Variants in RAB6A observed in about 807,000 individuals in gnomAD.
RAB6A encodes ras-related protein Rab-6A.
A neutral mutation model predicts 32.3 loss-of-function variants in RAB6A; 8 were observed. The observed-to-expected ratio is 0.25, with a 90% CI of 0.15 to 0.45. The LOEUF is 0.45. Among genes scored for constraint, RAB6A ranks in the 20% least tolerant of loss-of-function variants. The probability of loss-of-function intolerance (pLI) is 1.00; values close to 1 mark genes in which losing one functional copy is unlikely to be tolerated. For missense variants in RAB6A, 104 were observed against 249.4 expected (o/e 0.42, Z 3.93); for synonymous variants, 73 against 82.1 (o/e 0.89, Z 0.60).
chr11:73,707,584 C>A, intron 5 of RAB6A, 71 bp from the exon 6 acceptor site: 1 of 1,156,712 alleles, frequency 8.6e-7, no homozygotes, highest in South Asian at 1.3e-5. Context: ...AAAGAAAGCT[C>A]TGAAAATAAC....
chr11:73,690,807 A>G (rs1945543922), intron 6 of RAB6A, among the ~76,000 whole-genome samples: 1 of 151,204 alleles, frequency 6.6e-6, no homozygotes, highest in Admixed American at 6.6e-5. Flanking sequence ...GGGACAGGGA[A>G]GCTAAGTGTC....
At chr11:73,678,736 T>TGGG (rs201191998) in intron 7 of RAB6A, among the ~76,000 whole-genome samples, 14 of 135,306 alleles carry the variant, frequency 1.0e-4, no homozygotes, top group Middle Eastern at 3.6e-3. Context: ...TTTTTTTTTT[T>TGGG]GGGGGGGGAA....
At chr11:73,703,738 A>T (rs1300946817) in intron 6 of RAB6A, among the ~76,000 whole-genome samples, 1 of 143,448 alleles carries the variant, frequency 7.0e-6, no homozygotes, top group Non-Finnish European at 1.5e-5. Flanking sequence ...AAGACTGTCT[A>T]AAAAAAACCC....
intron 1 of RAB6A, among the ~76,000 whole-genome samples, chr11:73,731,683 A>ATT (rs1234171339): frequency 2.2e-3 from 66 of 30,546 alleles, no homozygotes; most frequent in African/African-American, 5.8e-3. Context: ...ATAGATAGAT[A>ATT]TTATATATAT....
chr11:73,689,951 C>G (rs1565347463), intron 6 of RAB6A, among the ~76,000 whole-genome samples: 1 of 149,402 alleles, frequency 6.7e-6, no homozygotes, highest in Non-Finnish European at 1.5e-5. Flanking sequence ...ATATTTGGCT[C>G]AAAATAGACC....
rs1946050999 is a variant in RAB6A at position 73,716,294 on chromosome 11, T to C, written c.358A>G (p.Ile120Val). The change falls in exon 5 of 8, where the codon ATC becomes GTC. Residue 120 changes from isoleucine to valine, a missense_variant. Physicochemically the swap from Ile to Val is conservative, Grantham distance 29 (BLOSUM62 3). Coordinates refer to ENST00000336083, the MANE Select transcript of RAB6A (RefSeq NM_198896.2). ...GTTTTATTTCCTACTAGCATGATGA[T>C]AACATCACTTCCTCTTTCTGTTCTG... The part of the protein sequence containing the change: ...DVRTERGSDV[I>V]IMLVGNKTDL... 1 of 1,613,480 alleles carries C rather than the reference T, an allele frequency of 6.2e-7. No individual in the cohort carries two copies. Among genetic ancestry groups the C allele is most frequent in the Non-Finnish European group, 8.5e-7 (1 of 1,179,528 alleles).
At chr11:73,682,921 T>C (rs1945382754) in intron 6 of RAB6A, among the ~76,000 whole-genome samples, 1 of 152,166 alleles carries the variant, frequency 6.6e-6, no homozygotes, top group Admixed American at 6.5e-5. Context: ...AAAAGCAGAA[T>C]ATAAACTTTG....
At chr11:73,747,463 C>T (rs919752584) in intron 1 of RAB6A, among the ~76,000 whole-genome samples, 1 of 151,386 alleles carries the variant, frequency 6.6e-6, no homozygotes, top group African/African-American at 2.4e-5. Flanking sequence ...CCCCGGCCTC[C>T]CAAGTGCTGG....
At chr11:73,728,249 C>T (rs886983451) in intron 2 of RAB6A, among the ~76,000 whole-genome samples, 4 of 152,098 alleles carry the variant, frequency 2.6e-5, no homozygotes, top group Non-Finnish European at 1.5e-5. Context: ...TCTTAGAAAG[C>T]GTTCAGCCTT....
At chr11:73,728,818 G>A (rs1946263811) in intron 2 of RAB6A, among the ~76,000 whole-genome samples, 1 of 151,848 alleles carries the variant, frequency 6.6e-6, no homozygotes, top group East Asian at 1.9e-4. Flanking sequence ...CACAGAATGA[G>A]GTGGGTCCTC....
chr11:73,703,815 T>C (rs1945787420), intron 6 of RAB6A, among the ~76,000 whole-genome samples: 1 of 151,846 alleles, frequency 6.6e-6, no homozygotes, highest in East Asian at 1.9e-4. Context: ...CACGCCTGTA[T>C]ACCCAGCACT....
intron 5 of RAB6A, among the ~76,000 whole-genome samples, chr11:73,713,765 T>G (rs1322596008): frequency 1.3e-5 from 2 of 152,142 alleles, no homozygotes; most frequent in African/African-American, 4.8e-5. Context: ...TGAAAATCAT[T>G]TTAGTGGAAC....
chr11:73,709,961 ATT>A (rs776254550), intron 5 of RAB6A, among the ~76,000 whole-genome samples: 11 of 81,758 alleles, frequency 1.3e-4, no homozygotes, highest in African/African-American at 3.2e-4. Context: ...ATATATATAT[ATT>A]TTTTTTTTTT....
intron 6 of RAB6A, among the ~76,000 whole-genome samples, chr11:73,704,688 AAAAT>A (rs1199945516): frequency 2.0e-5 from 3 of 150,860 alleles, no homozygotes; most frequent in Non-Finnish European, 4.4e-5. Context: ...CATCTCAAAA[AAAAT>A]AAATAAATAA....
chr11:73,687,773 C>T (rs1018368173), intron 6 of RAB6A, among the ~76,000 whole-genome samples: 1 of 152,128 alleles, frequency 6.6e-6, no homozygotes, highest in Non-Finnish European at 1.5e-5. Context: ...AGGAGAATTA[C>T]TTGAACCCGG....
chr11:73,728,647 A>AATAATAATAAT (rs1334007109), intron 2 of RAB6A, among the ~76,000 whole-genome samples: 1 of 148,266 alleles, frequency 6.7e-6, no homozygotes, highest in South Asian at 2.1e-4. Flanking sequence ...TAATAATAAT[A>AATAATAATAAT]AATGAAATAA....
At chr11:73,711,112 C>T (rs1455114276) in intron 5 of RAB6A, among the ~76,000 whole-genome samples, 1 of 152,062 alleles carries the variant, frequency 6.6e-6, no homozygotes, top group Non-Finnish European at 1.5e-5. Context: ...GCAGTGGCTT[C>T]CCTTCAAACT....
intron 3 of RAB6A, chr11:73,718,964 T>G: frequency 7.3e-7 from 1 of 1,369,172 alleles, no homozygotes; most frequent in Non-Finnish European, 1.0e-6. Context: ...AACAATGTTT[T>G]TTGTAAAAGG....
Position 73,760,619 on chromosome 11 carries a change from T to C in RAB6A, c.17A>G (p.Asp6Gly). The change falls in exon 1 of 8, where the codon GAC (aspartate) becomes GGC (glycine). Residue 6 changes from aspartate to glycine, a missense_variant. This residue lies in a region of RAB6A where 48 missense variants were observed against 155.2 expected (regional missense o/e 0.31). Coordinates refer to ENST00000336083, the MANE Select transcript of RAB6A (RefSeq NM_198896.2). MSTGG[D>G]FGNPLRKFKL... ...GAATTTCCTCAGCGGATTCCCGAAG[T>C]CTCCGCCCGTGGACATTGTGGAACT... 1.2e-6 allele frequency: 2 copies of C among 1,611,038 alleles called. No homozygotes were observed. The highest frequency in any genetic ancestry group is 1.7e-6 in the Non-Finnish European group (2 of 1,178,774).
Sources: gnomAD v4.1 joint callset for allele counts (sites outside exome capture counted in the v4.1 genomes callset) on GRCh38, gnomAD v4.1.1 for gene constraint, gnomAD v4.1.1 regional missense constraint, MANE v1.5 for transcripts, NCBI Gene and HGNC (gene_info 2026-07-23, HGNC 2026-07-21) for gene names.